MSH3: variants seen among roughly 807,000 people sequenced by gnomAD.
The protein encoded by MSH3 is DNA mismatch repair protein Msh3.
Under a neutral mutation model 123.3 loss-of-function variants are expected in MSH3, and 106 were observed. The ratio of observed to expected loss-of-function variants is 0.86; its 90% CI spans 0.73 to 1.01. The LOEUF (loss-of-function observed/expected upper bound fraction) is 1.01. MSH3 is among the 50% of genes least tolerant of loss of function. MSH3 has a pLI of 0.00. For synonymous variants in MSH3, 515 were observed against 481.4 expected (o/e 1.07, Z -0.91); for missense variants, 1,459 against 1,347.6 (o/e 1.08, Z -1.29).
At chr5:80,713,798 TA>T (rs11329984) in intron 8 of MSH3, among the ~76,000 whole-genome samples, 110,755 of 151,946 alleles carry the variant, frequency 0.73, 40,510 homozygotes, top group African/African-American at 0.82. Context: ...CTGCTATTCT[TA>T]AGTCTGCAGT....
chr5:80,854,462 TTAAC>T, intron 21 of MSH3, 146 bp downstream of exon 21: 1 of 701,966 alleles, frequency 1.4e-6, no homozygotes, highest in Non-Finnish European at 2.4e-6. Flanking sequence ...ATTAACCTAA[TTAAC>T]ACATTCCTCA....
chr5:80,849,325 T>C (rs748101465), intron 20 of MSH3, among the ~76,000 whole-genome samples: 1 of 152,148 alleles, frequency 6.6e-6, no homozygotes, highest in Non-Finnish European at 1.5e-5. Flanking sequence ...TCTACCATTC[T>C]GGGGTCTGGA....
Position 80,654,889 on chromosome 5 carries a change from T to TGCAGCGGCTGCAGCGGCC in MSH3, c.170_171insTGCAGCGGCCGCAGCGGC (p.Ala57_Ala62dup), listed in dbSNP as rs1749203953. ...AGGTGGACCCTGGCGCTGCAGCGGCTGCAGCGGCCGCAGCGGCCGCAGCGC... is the reference window on the plus strand; with the variant it reads ...AGGTGGACCCTGGCGCTGCAGCGGCTGCAGCGGCTGCAGCGGCCGCAGCGGCCGCAGCGGCCGCAGCGC... On this transcript the variant is annotated inframe_insertion, in exon 1 of 24. Coordinates refer to ENST00000265081, the MANE Select transcript of MSH3 (RefSeq NM_002439.5). The TGCAGCGGCTGCAGCGGCC allele has an allele frequency of 1.2e-6, 1 of 822,064 alleles. No homozygotes were observed. The highest frequency in any genetic ancestry group is 3.0e-5 in the African/African-American group (1 of 32,984). The allele number at this position is 822,064 out of a possible 1,614,324, so 50.9% of individuals were successfully genotyped here.
intron 19 of MSH3, among the ~76,000 whole-genome samples, chr5:80,797,055 C>T (rs1446538127): frequency 9.9e-5 from 15 of 151,760 alleles, no homozygotes; most frequent in South Asian, 4.2e-4. Flanking sequence ...CACCCACTCC[C>T]GCCTCACACA....
At chr5:80,853,145 G>A (rs1055816750) in intron 20 of MSH3, among the ~76,000 whole-genome samples, 3 of 152,102 alleles carry the variant, frequency 2.0e-5, no homozygotes, top group African/African-American at 7.2e-5. Flanking sequence ...GGTTAAATCA[G>A]TTAAAGAAAA....
chr5:80,747,797 C>G (rs994040148), intron 12 of MSH3, among the ~76,000 whole-genome samples: 8 of 152,128 alleles, frequency 5.3e-5, no homozygotes, highest in Non-Finnish European at 1.0e-4. Context: ...AACATGCTGT[C>G]TGGGTTTTAG....
At chr5:80,668,486 G>A (rs891591426) in intron 3 of MSH3, among the ~76,000 whole-genome samples, 1 of 152,166 alleles carries the variant, frequency 6.6e-6, no homozygotes, top group Non-Finnish European at 1.5e-5. Flanking sequence ...TCCTTCCCAT[G>A]TTCATCAGTG....
chr5:80,763,740 T>C (rs141649466), intron 13 of MSH3, among the ~76,000 whole-genome samples: 275 of 152,372 alleles, frequency 1.8e-3, no homozygotes, highest in African/African-American at 6.3e-3. Flanking sequence ...GGCTGTGATT[T>C]CTATTCCACC....
chr5:80,729,722 TA>T (rs1314394143), intron 10 of MSH3, among the ~76,000 whole-genome samples: 4 of 152,114 alleles, frequency 2.6e-5, no homozygotes, highest in Non-Finnish European at 5.9e-5. Flanking sequence ...TTTGGAAATT[TA>T]AAAGCTCACA....
intron 12 of MSH3, among the ~76,000 whole-genome samples, chr5:80,754,563 A>G (rs1743891278): frequency 6.6e-6 from 1 of 152,198 alleles, no homozygotes; most frequent in Non-Finnish European, 1.5e-5. Context: ...CTATAACTCA[A>G]TACCACATTT....
chr5:80,871,831 A>C (rs538882992), intron 22 of MSH3, among the ~76,000 whole-genome samples: 144 of 152,248 alleles, frequency 9.5e-4, no homozygotes, highest in Non-Finnish European at 2.0e-3. Context: ...TGACACAAGC[A>C]CGTGAACACC....
intron 19 of MSH3, among the ~76,000 whole-genome samples, chr5:80,798,757 G>A (rs950145541): frequency 7.2e-5 from 11 of 152,144 alleles, no homozygotes; most frequent in Non-Finnish European, 4.4e-5. Flanking sequence ...AAGGACATTT[G>A]TCTGATAAAG....
chr5:80,862,817 G>A (rs1746036073), intron 21 of MSH3, among the ~76,000 whole-genome samples: 1 of 152,094 alleles, frequency 6.6e-6, no homozygotes, highest in African/African-American at 2.4e-5. Context: ...CTTTAAAATG[G>A]TGGAGGTGAG....
intron 19 of MSH3, among the ~76,000 whole-genome samples, chr5:80,797,463 G>GT (rs138314150): frequency 0.015 from 2,334 of 151,856 alleles, 58 homozygotes; most frequent in African/African-American, 0.053. Flanking sequence ...TACACAAAAT[G>GT]TTTTTTTTCA....
chr5:80,783,058 TA>T (rs1224848392), intron 17 of MSH3, among the ~76,000 whole-genome samples: 3 of 152,226 alleles, frequency 2.0e-5, no homozygotes, highest in African/African-American at 4.8e-5. Flanking sequence ...AATTATATCA[TA>T]AAAAATTATA....
intron 15 of MSH3, among the ~76,000 whole-genome samples, chr5:80,773,790 C>T (rs1029270923): frequency 1.3e-5 from 2 of 152,056 alleles, no homozygotes; most frequent in Non-Finnish European, 2.9e-5. Flanking sequence ...TTTATTAAGA[C>T]AGATTCTTGC....
chr5:80,772,418 G>A (rs1744228547), intron 15 of MSH3, among the ~76,000 whole-genome samples: 1 of 152,180 alleles, frequency 6.6e-6, no homozygotes, highest in Non-Finnish European at 1.5e-5. Flanking sequence ...TCTGGAGTGA[G>A]TAAGAGTTTC....
chr5:80,816,037 T>C (rs1400305978), intron 20 of MSH3, among the ~76,000 whole-genome samples: 1 of 152,246 alleles, frequency 6.6e-6, no homozygotes, highest in Non-Finnish European at 1.5e-5. Flanking sequence ...CTAAGCCTTC[T>C]AAACCATGCT....
chr5:80,867,681 C>T (rs934948271), intron 22 of MSH3, among the ~76,000 whole-genome samples: 1 of 152,104 alleles, frequency 6.6e-6, no homozygotes, highest in African/African-American at 2.4e-5. Context: ...TGAGATTTTT[C>T]ATGAATGAAA....
Sources: gnomAD v4.1 joint callset for allele counts (sites outside exome capture counted in the v4.1 genomes callset) on GRCh38, gnomAD v4.1.1 for gene constraint, MANE v1.5 for transcripts, NCBI Gene and HGNC (gene_info 2026-07-23, HGNC 2026-07-21) for gene names.